Variants in FOXJ3 observed in about 807,000 individuals in gnomAD.
FOXJ3 encodes the protein forkhead box protein J3.
In FOXJ3, 22 loss-of-function variants were observed where a neutral mutation model predicts 76.1. The ratio of observed to expected loss-of-function variants is 0.29; its 90% confidence interval spans 0.21 to 0.41. The LOEUF (loss-of-function observed/expected upper bound fraction) is 0.41. FOXJ3 is among the 10% of genes least tolerant of loss of function. The pLI, the probability that FOXJ3 is intolerant of heterozygous loss-of-function variation, is 1.00. For synonymous variants in FOXJ3, 269 were observed against 261.2 expected, an observed-to-expected ratio of 1.03 and a Z score of -0.29; for missense variants, 613 against 762.1, an observed-to-expected ratio of 0.80 and a Z score of 2.30.
intron 1 of FOXJ3, among the ~76,000 whole-genome samples, chr1:42,334,326 A>G (rs1656333789): frequency 6.6e-6 from 1 of 152,078 alleles, no homozygotes. Flanking sequence ...AAGCAAACTG[A>G]CCCTAACACC....
At chr1:42,208,693 C>T (rs1646906861) in intron 5 of FOXJ3, among the ~76,000 whole-genome samples, 1 of 152,130 alleles carries the variant, frequency 6.6e-6, no homozygotes, top group Non-Finnish European at 1.5e-5. Flanking sequence ...CTAGCCAAAG[C>T]AATTAGGCAA....
chr1:42,185,966 T>C (rs1271033229), intron 11 of FOXJ3, among the ~76,000 whole-genome samples: 1 of 152,090 alleles, frequency 6.6e-6, no homozygotes, highest in Non-Finnish European at 1.5e-5. Context: ...ACTCAAGACC[T>C]ACACCTAAAT....
Position 42,240,664 on chromosome 1 carries a change from G to C in FOXJ3, c.445-12698C>G, listed in dbSNP as rs140299630. Among the ~76,000 whole-genome samples the C allele has an allele frequency of 1.1e-4, 16 of 152,250 alleles. 1 individual carries two copies. Among genetic ancestry groups the C allele is most frequent in the African/African-American group, 3.6e-4 (15 of 41,558 alleles). ...CCAGGAAAATGGTCCACATGCAAAA[G>C]AATGAAACTGGGTCTCCTAACTCAC... On this transcript the variant is annotated intron_variant, in intron 4 of 12. Coordinates refer to ENST00000361346, the MANE Select transcript of FOXJ3 (RefSeq NM_014947.5).
chr1:42,212,616 T>C (rs1449636795), intron 5 of FOXJ3, among the ~76,000 whole-genome samples: 1 of 152,174 alleles, frequency 6.6e-6, no homozygotes, highest in Non-Finnish European at 1.5e-5. Flanking sequence ...TCATAGGTGT[T>C]CCTAAGGGAG....
intron 11 of FOXJ3, among the ~76,000 whole-genome samples, chr1:42,186,753 C>A (rs569253536): frequency 6.6e-6 from 1 of 152,154 alleles, no homozygotes; most frequent in Non-Finnish European, 1.5e-5. Context: ...CCAAAAGGTA[C>A]ACATAGACCT....
rs186649250 is a variant in FOXJ3, at chr1:42,220,937, T to C, written c.528+6946A>G. On this transcript the variant is annotated intron_variant, in intron 5 of 12. Coordinates refer to ENST00000361346, the MANE Select transcript of FOXJ3 (RefSeq NM_014947.5). ...GATACAAAATCTTTCTTTAATGCAATAGTTCTCAAATTTTTAGTCTCAGGA... is the reference window on the plus strand; with the variant it reads ...GATACAAAATCTTTCTTTAATGCAACAGTTCTCAAATTTTTAGTCTCAGGA... 3.3e-3 allele frequency among the ~76,000 whole-genome samples: 507 copies of C among 152,272 alleles called. 2 individuals carry two copies. Among genetic ancestry groups the C allele is most frequent in the Middle Eastern group, 0.017 (5 of 294 alleles).
intron 2 of FOXJ3, among the ~76,000 whole-genome samples, chr1:42,291,775 C>T (rs1653452891): frequency 6.6e-6 from 1 of 152,172 alleles, no homozygotes; most frequent in Non-Finnish European, 1.5e-5. Flanking sequence ...GCAAGATCCA[C>T]CTCACTGTGG....
chr1:42,298,954 G>C (rs1251744067), intron 2 of FOXJ3, among the ~76,000 whole-genome samples: 1 of 152,164 alleles, frequency 6.6e-6, no homozygotes, highest in African/African-American at 2.4e-5. Flanking sequence ...ATAGTTTTAA[G>C]AGTCCCTCTT....
At position 42,281,468 on chromosome 1, in the gene FOXJ3, G is replaced by A. The variant is rs192008407; in HGVS notation, c.45-2796C>T. On this transcript the variant is annotated intron_variant, in intron 2 of 12. Coordinates refer to ENST00000361346, the MANE Select transcript of FOXJ3 (RefSeq NM_014947.5). ...ATTTAAATAGACTGGAAAGAAAAAG[G>A]ACCCTAGTCTTCAAAGCCATCATGT... 2.5e-3 allele frequency among the ~76,000 whole-genome samples: 382 copies of A among 152,088 alleles called. 1 individual carries two copies. The highest frequency in any genetic ancestry group is 3.6e-3 in the Non-Finnish European group (244 of 67,996).
At chr1:42,279,996 A>G (rs1652577109) in intron 2 of FOXJ3, among the ~76,000 whole-genome samples, 1 of 152,122 alleles carries the variant, frequency 6.6e-6, no homozygotes, top group Non-Finnish European at 1.5e-5. Context: ...TGGGGTAAGG[A>G]AGACCCAGAG....
chr1:42,204,084 C>T (rs1646814760), intron 6 of FOXJ3, among the ~76,000 whole-genome samples: 1 of 151,928 alleles, frequency 6.6e-6, no homozygotes, highest in Admixed American at 6.6e-5. Flanking sequence ...CCCCAAACTC[C>T]AATTTTGTCT....
chr1:42,289,192 A>G (rs1360169989), intron 2 of FOXJ3, among the ~76,000 whole-genome samples: 4 of 151,364 alleles, frequency 2.6e-5, no homozygotes, highest in African/African-American at 9.7e-5. Flanking sequence ...TATAGTATAT[A>G]CAATATTTAT....
At chr1:42,212,972 C>A (rs168229) in intron 5 of FOXJ3, among the ~76,000 whole-genome samples, 85,775 of 121,484 alleles carry the variant, frequency 0.71, 29,737 homozygotes, top group Admixed American at 0.77. Context: ...AAAAAAAAAA[C>A]AAAAAAAAAA....
chr1:42,307,737 C>G (rs1054490359), intron 2 of FOXJ3, among the ~76,000 whole-genome samples: 1 of 152,152 alleles, frequency 6.6e-6, no homozygotes, highest in Non-Finnish European at 1.5e-5. Flanking sequence ...CTACAAACTA[C>G]TTTGCAGCCA....
At chr1:42,234,645 T>C (rs1472870052) in intron 4 of FOXJ3, among the ~76,000 whole-genome samples, 4 of 152,314 alleles carry the variant, frequency 2.6e-5, no homozygotes, top group Non-Finnish European at 5.9e-5. Flanking sequence ...GCAGGTCTGT[T>C]AGAGTTTGCT....
chr1:42,250,645 C>T (rs886761639), intron 4 of FOXJ3, among the ~76,000 whole-genome samples: 2 of 151,796 alleles, frequency 1.3e-5, no homozygotes, highest in Admixed American at 6.6e-5. Flanking sequence ...GGAGAAACCC[C>T]GTCTCTACTA....
intron 2 of FOXJ3, among the ~76,000 whole-genome samples, chr1:42,292,072 G>A (rs1653472861): frequency 6.6e-6 from 1 of 152,040 alleles, no homozygotes; most frequent in East Asian, 1.9e-4. Context: ...GGACCCTGAG[G>A]AGGGGGGTGC....
chr1:42,298,521 C>T lies in FOXJ3; in HGVS notation c.44+12529G>A, dbSNP rs150206492. ...TCTGTGGTGTCAGGTGTAATGCTGT[C>T]TTTATCATTTCTGCTTATATTTAAA... On this transcript the variant is annotated intron_variant, in intron 2 of 12. Transcript: ENST00000361346. Among the ~76,000 whole-genome samples the T allele has an allele frequency of 2.0e-5, 3 of 152,136 alleles. No homozygotes were observed. In the East Asian group the frequency reaches 5.8e-4, roughly 29 times the overall value.
In FOXJ3 at chr1:42,323,960, C is replaced by A. The variant is rs528895974; in HGVS notation, c.-18+11099G>T. 6 of 149,580 alleles carry A rather than the reference C, an allele frequency of 4.0e-5. No individual in the cohort carries two copies. In the Admixed American group the frequency reaches 4.0e-4, roughly 10 times the overall value. The allele number at this position is 149,580 out of a possible 1,614,324, so 9.3% of individuals were successfully genotyped here. A position where few individuals can be genotyped will look rare whatever the true frequency, so the allele number is the denominator to read the frequency against. On this transcript the variant is annotated intron_variant, in intron 1 of 12. Transcript: ENST00000361346. ...AATGACTATATATCAAGTGTTTTAG[C>A]GATATATTTCACTGACCTGAATGAT...
Sources: gnomAD v4.1 joint callset for allele counts (sites outside exome capture counted in the v4.1 genomes callset) on GRCh38, gnomAD v4.1.1 for gene constraint, MANE v1.5 for transcripts, NCBI Gene and HGNC (gene_info 2026-07-23, HGNC 2026-07-21) for gene names.